Variants in URGCP observed in about 807,000 individuals in gnomAD.
The protein encoded by URGCP is up-regulator of cell proliferation.
Under a neutral mutation model 24.6 loss-of-function variants are expected in URGCP, and 13 were observed. The ratio of observed to expected loss-of-function variants is 0.53; its 90% confidence interval spans 0.34 to 0.84. URGCP has a LOEUF of 0.84. Ranked by LOEUF, URGCP falls within the 40% of genes least tolerant of loss-of-function variation. URGCP has a pLI of 0.01. For missense variants in URGCP, 899 were observed against 1,194.3 expected (o/e 0.75, Z 3.64); for synonymous variants, 444 against 487.2 (o/e 0.91, Z 1.17).
intron 1 of URGCP, chr7:43,919,922 C>A: frequency 7.6e-7 from 1 of 1,321,410 alleles, no homozygotes; most frequent in Non-Finnish European, 1.1e-6. Flanking sequence ...TGGAGCCGTT[C>A]CGCAAGGAGG....
At chr7:43,903,152 A>C (rs1257272126) in intron 1 of URGCP, among the ~76,000 whole-genome samples, 2 of 151,862 alleles carry the variant, frequency 1.3e-5, no homozygotes, top group East Asian at 3.9e-4. Context: ...AGAGAGAAAG[A>C]GAAAGAGAGA....
At chr7:43,916,569 C>T (rs537784272) in intron 1 of URGCP, among the ~76,000 whole-genome samples, 7 of 152,198 alleles carry the variant, frequency 4.6e-5, no homozygotes, top group South Asian at 2.1e-4. Flanking sequence ...CTAATTTCTG[C>T]GGATTAAGCC....
chr7:43,897,479 G>A (rs1447907684), intron 1 of URGCP, among the ~76,000 whole-genome samples: 1 of 152,148 alleles, frequency 6.6e-6, no homozygotes, highest in African/African-American at 2.4e-5. Context: ...CGAGTGGCTT[G>A]AGCAAGAGAG....
At chr7:43,909,254 CAT>C (rs1473702523), upstream of URGCP, among the ~76,000 whole-genome samples, 1 of 152,158 alleles carries the variant, frequency 6.6e-6, no homozygotes, top group Non-Finnish European at 1.5e-5. Context: ...CACATACACA[CAT>C]ATGTATACAT....
intron 1 of URGCP, among the ~76,000 whole-genome samples, chr7:43,912,732 T>C (rs993576315): frequency 2.0e-5 from 3 of 152,226 alleles, no homozygotes; most frequent in Non-Finnish European, 4.4e-5. Context: ...TATGTATTTA[T>C]TCTTTAATAT....
chr7:43,903,756 C>T (rs546657877), intron 1 of URGCP, among the ~76,000 whole-genome samples: 1 of 152,224 alleles, frequency 6.6e-6, no homozygotes, highest in East Asian at 1.9e-4. Context: ...CAAAGGGACC[C>T]CCAGAAGCCC....
intron 3 of URGCP, among the ~76,000 whole-genome samples, chr7:43,883,924 G>A (rs1254061784): frequency 1.3e-5 from 2 of 152,206 alleles, no homozygotes. Context: ...CATTATTCAA[G>A]TGAGGAAAAG....
intron 3 of URGCP, among the ~76,000 whole-genome samples, chr7:43,883,362 A>ATTTTTT (rs34217938): frequency 0.027 from 2,357 of 88,226 alleles, 80 homozygotes; most frequent in Non-Finnish European, 0.037. Context: ...ATATATATAT[A>ATTTTTT]TTTTTTTTTT....
Position 43,877,648 on chromosome 7 carries a change from C to T in URGCP, c.1815G>A (p.Pro605=), listed in dbSNP as rs199687046. The T allele has an allele frequency of 1.9e-4, 314 of 1,614,108 alleles. No individual in the cohort carries two copies. The African/African-American group carries it at 2.1e-3, about 11-fold the overall frequency. The change falls in exon 6 of 6, where the codon CCG becomes CCA. Residue 605 remains proline, a synonymous_variant. Transcript: ENST00000453200. ...CCACCCCTAGGGGCTCAGGCCAGAG[C>T]GGCTCCCCCACGTCTGTGGTGCCCC... The part of the protein sequence containing the change: ...KHGGTTDVGE[P]LWPEPLGVEH...
chr7:43,896,320 G>A (rs544698436), intron 1 of URGCP, among the ~76,000 whole-genome samples: 41 of 152,208 alleles, frequency 2.7e-4, no homozygotes, highest in Non-Finnish European at 4.7e-4. Context: ...GCTGGGCGTG[G>A]TGGCACACGC....
chr7:43,919,276 G>A (rs1004531757), intron 1 of URGCP: 2 of 819,834 alleles, frequency 2.4e-6, no homozygotes, highest in Non-Finnish European at 4.4e-6. Flanking sequence ...ACACTCAAGA[G>A]GCTGATGCAG....
chr7:43,883,344 ATATATATATATATATATATT>A (rs1562575121), intron 3 of URGCP, among the ~76,000 whole-genome samples: 2,368 of 99,124 alleles, frequency 0.024, 65 homozygotes, highest in African/African-American at 0.11. Context: ...ATACATATAT[ATATATATATATATATATATT>A]TTTTTTTTTT....
chr7:43,887,027 G>T (rs2095863216), intron 3 of URGCP, among the ~76,000 whole-genome samples: 1 of 152,000 alleles, frequency 6.6e-6, no homozygotes, highest in African/African-American at 2.4e-5. Flanking sequence ...TTCACTCTCA[G>T]AAGTGCCCAC....
rs2095850556 is a variant in URGCP at position 43,879,344 on chromosome 7, C to A, written c.203-84G>T. ...GAAGAGCTGGTGAAGGAGAGCCCAG[C>A]AGGATGGGGAGAGTGACGACCCCCT... On this transcript the variant is annotated intron_variant, in intron 5 of 5. Coordinates refer to ENST00000453200, the MANE Select transcript of URGCP (RefSeq NM_001077663.3). 87 of 1,476,932 alleles carry A rather than the reference C, an allele frequency of 5.9e-5. 1 individual carries two copies. In the South Asian group the frequency reaches 1.1e-3, roughly 18 times the overall value. 91.5% of individuals were successfully genotyped at this position (1,476,932 alleles called of 1,614,324 possible).
chr7:43,887,791 C>G lies in URGCP; in HGVS notation c.40G>C (p.Gly14Arg). The change falls in exon 2 of 6, where the codon GGG becomes CGG. Residue 14 changes from glycine (G) to arginine (R), a missense_variant and splice_region_variant. Coordinates refer to ENST00000453200, the MANE Select transcript of URGCP (RefSeq NM_001077663.3). ...PGIEVELLGK[G>R]HSDLGEVAPE... ...AGAAAGACAGAAAAATATACATACCCTTTGCCCAGTAATTCCACTTCTATC... is the reference window on the plus strand; with the variant it reads ...AGAAAGACAGAAAAATATACATACCGTTTGCCCAGTAATTCCACTTCTATC... 6.5e-7 allele frequency: 1 copy of G among 1,549,366 alleles called. No individual in the cohort carries two copies. The highest frequency in any genetic ancestry group is 8.7e-7 in the Non-Finnish European group (1 of 1,145,730).
exon 1 of URGCP, chr7:43,926,335 G>A (rs1051375027): frequency 2.7e-5 from 7 of 257,100 alleles, no homozygotes; most frequent in Admixed American, 1.1e-4. Flanking sequence ...CGGGTGGCCA[G>A]CGTAACCCGG....
chr7:43,922,914 CTT>C (rs1238736126), intron 1 of URGCP, among the ~76,000 whole-genome samples: 6 of 151,442 alleles, frequency 4.0e-5, no homozygotes, highest in African/African-American at 1.5e-4. Context: ...CTTTCTTTCT[CTT>C]TCTTTCCGTC....
chr7:43,882,607 CAA>C (rs535393777), intron 3 of URGCP, among the ~76,000 whole-genome samples: 1 of 133,892 alleles, frequency 7.5e-6, no homozygotes. Context: ...GACCCTGTCT[CAA>C]AAAAAAAAAA....
chr7:43,916,824 C>T (rs1052968546), intron 1 of URGCP, among the ~76,000 whole-genome samples: 3 of 150,362 alleles, frequency 2.0e-5, no homozygotes, highest in African/African-American at 7.3e-5. Flanking sequence ...GGACGCCTTG[C>T]TTTCTCTCCC....
Sources: gnomAD v4.1 joint callset for allele counts (sites outside exome capture counted in the v4.1 genomes callset) on GRCh38, gnomAD v4.1.1 for gene constraint, MANE v1.5 for transcripts, NCBI Gene and HGNC (gene_info 2026-07-23, HGNC 2026-07-21) for gene names.